Variants in FOXO3 observed in about 807,000 individuals in gnomAD.
FOXO3 encodes forkhead box protein O3.
FOXO3 carries 4 observed loss-of-function variants against 41.9 expected under a neutral mutation model. The ratio of observed to expected loss-of-function variants is 0.10; its 90% CI spans 0.05 to 0.22. The LOEUF is 0.22. Among genes scored for constraint, FOXO3 ranks in the 10% least tolerant of loss-of-function variants. The pLI is 1.00. For synonymous variants in FOXO3, 318 were observed against 389.3 expected (o/e 0.82, Z 2.16); for missense variants, 534 against 906.8 (o/e 0.59, Z 5.28).
At chr6:108,657,628 TA>T (rs1778725897) in intron 1 of FOXO3, among the ~76,000 whole-genome samples, 11 of 152,346 alleles carry the variant, frequency 7.2e-5, no homozygotes, top group Admixed American at 7.2e-4. Flanking sequence ...ATCCCAAAAC[TA>T]ATGTAAAATG....
At chr6:108,677,159 C>T (rs569502163) in intron 2 of FOXO3, among the ~76,000 whole-genome samples, 23 of 152,328 alleles carry the variant, frequency 1.5e-4, no homozygotes, top group African/African-American at 5.3e-4. Context: ...GGGACCTCAG[C>T]GGAAGCTGTA....
intron 1 of FOXO3, among the ~76,000 whole-genome samples, chr6:108,570,301 C>T (rs928886330): frequency 6.6e-6 from 1 of 151,460 alleles, no homozygotes; most frequent in Non-Finnish European, 1.5e-5. Context: ...ACCCGGCTCC[C>T]TTGTGTATTT....
At chr6:108,605,589 C>T (rs1453642104) in intron 1 of FOXO3, among the ~76,000 whole-genome samples, 1 of 152,156 alleles carries the variant, frequency 6.6e-6, no homozygotes, top group African/African-American at 2.4e-5. Context: ...TAAAAGCTTG[C>T]CTCAAATGAC....
At chr6:108,619,657 T>C (rs989410197) in intron 1 of FOXO3, among the ~76,000 whole-genome samples, 3 of 152,224 alleles carry the variant, frequency 2.0e-5, no homozygotes, top group African/African-American at 4.8e-5. Context: ...GTCATATCTG[T>C]ATTTTTTAAT....
intron 1 of FOXO3, among the ~76,000 whole-genome samples, chr6:108,652,317 A>G (rs1778567068): frequency 6.6e-6 from 1 of 152,262 alleles, no homozygotes; most frequent in African/African-American, 2.4e-5. Flanking sequence ...TGTCATTTCT[A>G]AAAAATTAGT....
intron 1 of FOXO3, among the ~76,000 whole-genome samples, chr6:108,595,287 C>G (rs1036625828): frequency 6.6e-6 from 1 of 152,174 alleles, no homozygotes; most frequent in African/African-American, 2.4e-5. Flanking sequence ...CTGGGAAGTA[C>G]TTCTGAAGGA....
intron 1 of FOXO3, among the ~76,000 whole-genome samples, chr6:108,595,993 A>G (rs145417671): frequency 2.4e-4 from 37 of 152,300 alleles, no homozygotes; most frequent in Admixed American, 5.2e-4. Context: ...CAGACTGCCC[A>G]GATACTGCTT....
chr6:108,570,864 G>A (rs960262541), intron 1 of FOXO3, among the ~76,000 whole-genome samples: 1 of 152,094 alleles, frequency 6.6e-6, no homozygotes, highest in African/African-American at 2.4e-5. Flanking sequence ...AGGAGAGGGG[G>A]TGTGGAGATT....
At chr6:108,620,419 G>A (rs1353756795) in intron 1 of FOXO3, among the ~76,000 whole-genome samples, 3 of 152,056 alleles carry the variant, frequency 2.0e-5, no homozygotes, top group African/African-American at 7.2e-5. Context: ...TATTCCATGT[G>A]GGATGCAGAA....
chr6:108,573,242 A>G (rs1428956821), intron 1 of FOXO3, among the ~76,000 whole-genome samples: 2 of 152,032 alleles, frequency 1.3e-5, no homozygotes, highest in Non-Finnish European at 2.9e-5. Flanking sequence ...AGCCGAGATC[A>G]TGCCACTGCA....
chr6:108,622,733 C>T lies in FOXO3; in HGVS notation c.622-40722C>T, dbSNP rs141317296. On this transcript the variant is annotated intron_variant, in intron 1 of 2. Coordinates refer to ENST00000406360, the MANE Select transcript of FOXO3 (RefSeq NM_001455.4). ...TGCTGATCTTACACATCAGTTTCCA[C>T]GGATCCCATGTGAATCAGTTGTCTT... is the stretch of plus-strand genomic sequence containing the variant. Among the ~76,000 whole-genome samples the T allele has an allele frequency of 5.5e-3, 831 of 152,034 alleles. 2 individuals are homozygous for T. Among genetic ancestry groups the T allele is most frequent in the Middle Eastern group, 0.014 (4 of 294 alleles).
intron 1 of FOXO3, among the ~76,000 whole-genome samples, chr6:108,596,171 C>T (rs1028431354): frequency 6.6e-6 from 1 of 151,892 alleles, no homozygotes; most frequent in Non-Finnish European, 1.5e-5. Flanking sequence ...CCTATTATCC[C>T]TTAGCATTGA....
At chr6:108,583,649 T>C (rs1019522780) in intron 1 of FOXO3, among the ~76,000 whole-genome samples, 1 of 152,204 alleles carries the variant, frequency 6.6e-6, no homozygotes, top group African/African-American at 2.4e-5. Flanking sequence ...ACTATTAAAG[T>C]CTGATAATGC....
At chr6:108,672,786 C>T (rs989488373) in intron 2 of FOXO3, among the ~76,000 whole-genome samples, 1 of 152,132 alleles carries the variant, frequency 6.6e-6, no homozygotes, top group South Asian at 2.1e-4. Context: ...CGTCTCCCTT[C>T]CCTCTTCTTT....
chr6:108,573,759 G>A (rs1477660220), intron 1 of FOXO3, among the ~76,000 whole-genome samples: 2 of 152,012 alleles, frequency 1.3e-5, no homozygotes, highest in East Asian at 1.9e-4. Context: ...AACCCGGGAG[G>A]TGGAGGTTGC....
intron 1 of FOXO3, among the ~76,000 whole-genome samples, chr6:108,607,135 T>C (rs538437538): frequency 6.6e-6 from 1 of 152,242 alleles, no homozygotes; most frequent in Non-Finnish European, 1.5e-5. Context: ...AGAATTTTTA[T>C]CCCAAATTGA....
intron 1 of FOXO3, among the ~76,000 whole-genome samples, chr6:108,659,844 G>A (rs929103705): frequency 6.6e-6 from 1 of 152,220 alleles, no homozygotes; most frequent in Admixed American, 6.5e-5. Context: ...GTTGTTGGAG[G>A]TTAGAATTGT....
chr6:108,564,286 A>G (rs891430170), intron 1 of FOXO3, among the ~76,000 whole-genome samples: 2 of 152,248 alleles, frequency 1.3e-5, no homozygotes, highest in African/African-American at 4.8e-5. Context: ...ACTAATAGGC[A>G]ACCTTTTTTT....
Position 108,683,040 on chromosome 6 carries a change from AC to A in FOXO3, c.*3252del, listed in dbSNP as rs1770927489. The A allele has an allele frequency of 1.3e-5, 2 of 152,590 alleles. No individual in the cohort carries two copies. Among genetic ancestry groups the A allele is most frequent in the Non-Finnish European group, 1.5e-5 (1 of 68,026 alleles). The allele number at this position is 152,590 out of a possible 1,614,324, so 9.5% of individuals were successfully genotyped here. A position where few individuals can be genotyped will look rare whatever the true frequency, so the allele number is the denominator to read the frequency against. On this transcript the variant is annotated 3_prime_UTR_variant, in exon 3 of 3. Coordinates refer to ENST00000406360, the MANE Select transcript of FOXO3 (RefSeq NM_001455.4). ...GAGAACTGGCTGCCAGGCTCAGTGT[AC>A]CCCATTAACTGTGAATGAATCTGAG... is the stretch of plus-strand genomic sequence containing the variant.
Sources: allele counts gnomAD v4.1 joint callset (sites outside exome capture counted in the v4.1 genomes callset), GRCh38; gene constraint gnomAD v4.1.1; transcripts MANE v1.5; gene names NCBI Gene and HGNC (gene_info 2026-07-23, HGNC 2026-07-21).